The following GRM8 variants were observed in gnomAD, a reference collection of about 807,000 sequenced individuals.
GRM8 encodes glutamate metabotropic receptor 8.
GRM8 carries 47 observed loss-of-function variants against 87.2 expected under a neutral mutation model. That is an observed-to-expected ratio of 0.54 (90% CI 0.43 to 0.69). GRM8 has a LOEUF of 0.69. GRM8 is among the 30% of genes least tolerant of loss of function. GRM8 has a pLI of 0.00. For synonymous variants in GRM8, 396 were observed against 404.5 expected, an observed-to-expected ratio of 0.98 and a Z score of 0.25; for missense variants, 1,019 against 1,139.2, an observed-to-expected ratio of 0.89 and a Z score of 1.52.
intron 6 of GRM8, among the ~76,000 whole-genome samples, chr7:126,809,669 C>T (rs1793109342): frequency 6.6e-6 from 1 of 152,178 alleles, no homozygotes; most frequent in Admixed American, 6.5e-5. Flanking sequence ...TGTAACCTAA[C>T]TACCATCCTC....
chr7:126,788,420 A>AAAAAAAAAAAAAACAAAAAACAAAAAAC, intron 6 of GRM8, among the ~76,000 whole-genome samples: 2,037 of 81,056 alleles, frequency 0.025, 171 homozygotes, highest in African/African-American at 0.05. Flanking sequence ...AAAAAAAAAA[A>AAAAAAAAAAAAAACAAAAAACAAAAAAC]AAACCCTTTC....
chr7:126,457,267 A>G, intron 9 of GRM8, among the ~76,000 whole-genome samples: 1 of 151,710 alleles, frequency 6.6e-6, no homozygotes. Flanking sequence ...GAAAGAAATT[A>G]TTGGAGATAT....
intron 3 of GRM8, among the ~76,000 whole-genome samples, chr7:127,066,109 G>A (rs578004893): frequency 3.3e-5 from 5 of 152,210 alleles, no homozygotes; most frequent in African/African-American, 1.2e-4. Context: ...ATGTTTAATG[G>A]TAGCAAAGTC....
At chr7:126,869,759 T>C (rs1256338648) in intron 6 of GRM8, 1 of 152,084 alleles carries the variant, frequency 6.6e-6, no homozygotes, top group Non-Finnish European at 1.5e-5. Context: ...TGTTATTCCA[T>C]TTATAGAGCA....
chr7:126,751,725 G>C (rs1816438200), intron 7 of GRM8, among the ~76,000 whole-genome samples: 1 of 152,148 alleles, frequency 6.6e-6, no homozygotes, highest in African/African-American at 2.4e-5. Context: ...ACAATAGGGA[G>C]GGCTCCTTGC....
At chr7:126,516,595 T>C (rs186880460) in intron 9 of GRM8, among the ~76,000 whole-genome samples, 5 of 152,240 alleles carry the variant, frequency 3.3e-5, no homozygotes, top group Admixed American at 6.6e-5. Context: ...ACAGAAAGTA[T>C]GCTTCCAGTA....
intron 6 of GRM8, among the ~76,000 whole-genome samples, chr7:126,806,627 T>C (rs1792762321): frequency 6.6e-6 from 1 of 152,224 alleles, no homozygotes. Flanking sequence ...TACAATCCTT[T>C]AGCTAAACAG....
chr7:126,560,662 C>G (rs1306102956), intron 8 of GRM8, among the ~76,000 whole-genome samples: 6 of 152,014 alleles, frequency 3.9e-5, no homozygotes, highest in Non-Finnish European at 8.8e-5. Context: ...CAAGAAGACC[C>G]AAAATGCTAT....
Position 126,855,496 on chromosome 7 carries a change from G to C in GRM8, c.1156+47046C>G, listed in dbSNP as rs1220424359. The stretch of plus-strand genomic sequence containing the variant: ...TCTTTTTTTTTTTTTTTTTGAGACA[G>C]AGTCTCGTTCTATCCCCCAGCCAGG... On this transcript the variant is annotated intron_variant, in intron 6 of 10. Transcript: ENST00000339582. Among the ~76,000 whole-genome samples the C allele has an allele frequency of 3.6e-5, 5 of 138,116 alleles. No homozygotes were observed. The Admixed American group carries it at 3.8e-4, about 10-fold the overall frequency. The allele number at this position is 138,116 out of a possible 152,430, so 90.6% of individuals were successfully genotyped here. A position where few individuals can be genotyped will look rare whatever the true frequency, so the allele number is the denominator to read the frequency against.
chr7:127,103,763 T>C (rs990774518), intron 3 of GRM8, among the ~76,000 whole-genome samples: 2 of 152,198 alleles, frequency 1.3e-5, no homozygotes, highest in Admixed American at 1.3e-4. Flanking sequence ...TTTTTTTCCT[T>C]CTCCAGCAAT....
chr7:127,077,589 C>A (rs1346392640), intron 3 of GRM8, among the ~76,000 whole-genome samples: 1 of 152,176 alleles, frequency 6.6e-6, no homozygotes, highest in African/African-American at 2.4e-5. Flanking sequence ...AAAAACCACC[C>A]ACACAGGGCC....
intron 9 of GRM8, among the ~76,000 whole-genome samples, chr7:126,519,984 A>C (rs149451684): frequency 2.6e-5 from 4 of 152,176 alleles, no homozygotes; most frequent in African/African-American, 9.6e-5. Flanking sequence ...TGGATCTCTG[A>C]AAGACAAAGA....
At chr7:126,852,840 A>C (rs1431367826) in intron 6 of GRM8, among the ~76,000 whole-genome samples, 2 of 152,048 alleles carry the variant, frequency 1.3e-5, no homozygotes, top group East Asian at 1.9e-4. Flanking sequence ...AAATATATGT[A>C]TTTATAAAAA....
intron 9 of GRM8, among the ~76,000 whole-genome samples, chr7:126,492,213 G>A (rs972013583): frequency 2.0e-5 from 3 of 151,868 alleles, no homozygotes; most frequent in Admixed American, 1.3e-4. Flanking sequence ...ACCATGCCTG[G>A]ATAATTTTTG....
chr7:126,441,820 GT>G (rs1801497242), intron 10 of GRM8, among the ~76,000 whole-genome samples: 2 of 151,872 alleles, frequency 1.3e-5, no homozygotes, highest in Non-Finnish European at 2.9e-5. Flanking sequence ...TACTATAGAT[GT>G]TTTTTTCATT....
chr7:127,094,429 T>C (rs748567607), intron 3 of GRM8, among the ~76,000 whole-genome samples: 4 of 152,170 alleles, frequency 2.6e-5, no homozygotes, highest in Non-Finnish European at 5.9e-5. Flanking sequence ...AGAACAAATA[T>C]GGGCTTGGGT....
intron 9 of GRM8, among the ~76,000 whole-genome samples, chr7:126,513,788 T>C (rs989351885): frequency 3.3e-5 from 5 of 152,116 alleles, no homozygotes; most frequent in Non-Finnish European, 7.4e-5. Flanking sequence ...TAGAGACCTG[T>C]TTGTCTATAT....
At chr7:126,513,718 G>T (rs1386667497) in intron 9 of GRM8, among the ~76,000 whole-genome samples, 1 of 152,012 alleles carries the variant, frequency 6.6e-6, no homozygotes, top group Admixed American at 6.6e-5. Flanking sequence ...TGTTTTTTAG[G>T]TTATGAAATA....
intron 7 of GRM8, among the ~76,000 whole-genome samples, chr7:126,710,417 C>T (rs991853099): frequency 3.9e-5 from 6 of 152,172 alleles, no homozygotes; most frequent in African/African-American, 7.2e-5. Flanking sequence ...CCTTTCAAGC[C>T]CTGCTGCTGC....
Sources: allele counts gnomAD v4.1 joint callset (sites outside exome capture counted in the v4.1 genomes callset), GRCh38; gene constraint gnomAD v4.1.1; transcripts MANE v1.5; gene names NCBI Gene and HGNC (gene_info 2026-07-23, HGNC 2026-07-21).